The following APC variants were observed in gnomAD, a reference collection of about 807,000 sequenced individuals.
APC encodes the protein adenomatous polyposis coli protein.
In APC, 72 loss-of-function variants were observed where a neutral mutation model predicts 247.0. The observed-to-expected ratio is 0.29, with a 90% CI of 0.24 to 0.35. APC has a LOEUF of 0.35. Ranked by LOEUF, APC falls within the 10% of genes least tolerant of loss-of-function variation. The pLI, the probability that APC is intolerant of heterozygous loss-of-function variation, is 1.00. For synonymous variants in APC, 1,254 were observed against 1,162.5 expected, an observed-to-expected ratio of 1.08 and a Z score of -1.60; for missense variants, 3,400 against 3,360.7, an observed-to-expected ratio of 1.01 and a Z score of -0.29.
chr5:112,760,441 A>G (rs1328535910), intron 2 of APC, among the ~76,000 whole-genome samples: 1 of 152,202 alleles, frequency 6.6e-6, no homozygotes, highest in African/African-American at 2.4e-5. Flanking sequence ...CATTTGCCAG[A>G]TTTTAAATTT....
chr5:112,827,452 C>T (rs1580567087), intron 12 of APC, among the ~76,000 whole-genome samples: 1 of 152,088 alleles, frequency 6.6e-6, no homozygotes, highest in African/African-American at 2.4e-5. Context: ...ACAGATGGAA[C>T]ACAGTAGTGA....
At position 112,845,164 on chromosome 5, in the gene APC, C is replaced by T. The variant is rs930093241; in HGVS notation, c.*1038C>T. The T allele has an allele frequency of 1.7e-5, 4 of 232,260 alleles. No homozygotes were observed. The highest frequency in any genetic ancestry group is 5.6e-5 in the Admixed American group (1 of 17,750). The allele number at this position is 232,260 out of a possible 1,614,324, so 14.4% of individuals were successfully genotyped here. A position where few individuals can be genotyped will look rare whatever the true frequency, so the allele number is the denominator to read the frequency against. ...ACTGTTGCCACTTAACCATTCCATG[C>T]GTTGGCACTTATCTATTCCTGAAAT... On this transcript the variant is annotated 3_prime_UTR_variant, in exon 16 of 16. Transcript: ENST00000257430.
At chr5:112,723,005 T>C (rs534890677) in intron 1 of APC, among the ~76,000 whole-genome samples, 1 of 152,140 alleles carries the variant, frequency 6.6e-6, no homozygotes, top group Non-Finnish European at 1.5e-5. Flanking sequence ...TTCTTTGATA[T>C]GGGGACAGGA....
At chr5:112,753,320 C>G (rs1285140247) in intron 1 of APC, among the ~76,000 whole-genome samples, 1 of 152,046 alleles carries the variant, frequency 6.6e-6, no homozygotes, top group Non-Finnish European at 1.5e-5. Context: ...GAGGAGGGGT[C>G]TTAACTATGG....
chr5:112,764,345 T>A (rs1756030805), intron 2 of APC, among the ~76,000 whole-genome samples: 1 of 151,822 alleles, frequency 6.6e-6, no homozygotes, highest in African/African-American at 2.4e-5. Flanking sequence ...ATTATTTTCA[T>A]AGTTTAGGTA....
At chr5:112,775,201 A>C (rs778971005) in intron 4 of APC, among the ~76,000 whole-genome samples, 5 of 152,328 alleles carry the variant, frequency 3.3e-5, no homozygotes, top group Admixed American at 6.5e-5. Flanking sequence ...AAGCCACATC[A>C]GTGTCCAAAG....
At chr5:112,762,812 TG>T (rs1458872064) in intron 2 of APC, among the ~76,000 whole-genome samples, 1 of 152,236 alleles carries the variant, frequency 6.6e-6, no homozygotes, top group South Asian at 2.1e-4. Flanking sequence ...TTTACATATG[TG>T]TGTTGTGCCT....
chr5:112,840,136 A>G lies in APC; in HGVS notation c.4542A>G (p.Pro1514=), dbSNP rs1459239401. 1.9e-6 allele frequency: 3 copies of G among 1,614,030 alleles called. No individual in the cohort carries two copies. In the African/African-American group the frequency reaches 4.0e-5, roughly 22 times the overall value. ...SSLSALSLDE[P]FIQKDVELRI... ...TGAGTGCTCTGAGCCTCGATGAGCC[A>G]TTTATACAGAAAGATGTGGAATTAA... The change falls in exon 16 of 16, where the codon CCA becomes CCG. Residue 1514 remains proline (P), a synonymous_variant. Transcript: ENST00000257430. This position sits in a 1 kb window ranked among gnomAD's most constrained non-coding sequence, Gnocchi z 4.1.
chr5:112,824,797 T>C (rs1322776980), intron 11 of APC, among the ~76,000 whole-genome samples: 1 of 152,114 alleles, frequency 6.6e-6, no homozygotes, highest in Non-Finnish European at 1.5e-5. Flanking sequence ...ATTTCATGGG[T>C]CAAAATTCTC....
rs1350313665 is a variant in APC, at chr5:112,766,420, A to T, written c.220+10A>T. On this transcript the variant is annotated intron_variant, in intron 3 of 15. Coordinates refer to ENST00000257430, the MANE Select transcript of APC (RefSeq NM_000038.6). Reference sequence around the variant, plus strand: ...TTAGAGCGTCTTAAAGGTAGATTTTAAAAAGGTGTTTTAAAATAATTTTTT... The same window carrying T: ...TTAGAGCGTCTTAAAGGTAGATTTTTAAAAGGTGTTTTAAAATAATTTTTT... 3.1e-6 allele frequency: 5 copies of T among 1,590,948 alleles called. No individual in the cohort carries two copies. Among genetic ancestry groups the T allele is most frequent in the Non-Finnish European group, 4.3e-6 (5 of 1,159,282 alleles).
At chr5:112,717,259 G>C (rs1410174387) in intron 1 of APC, among the ~76,000 whole-genome samples, 1 of 152,088 alleles carries the variant, frequency 6.6e-6, no homozygotes, top group Admixed American at 6.5e-5. Flanking sequence ...AGAATGCTGG[G>C]ATTACAGGTA....
At chr5:112,796,180 T>G (rs535375500) in intron 7 of APC, among the ~76,000 whole-genome samples, 4 of 152,312 alleles carry the variant, frequency 2.6e-5, no homozygotes, top group African/African-American at 9.6e-5. Flanking sequence ...CCAGCTATGA[T>G]TAGAATTTCA....
rs587778028 is a variant in APC, at chr5:112,707,836, G to C, written c.119G>C (p.Ser40Thr). Residue 40 changes from serine (S) to threonine (T), a missense_variant, in exon 1 of 14, where the codon AGC (serine) becomes ACC (threonine). Physicochemically the swap from Ser to Thr is moderately conservative, Grantham distance 58. Transcript: ENST00000507379. ...AGCTGCGTCCGGCAGGAGACGAAGA[G>C]CCCGGGCGGCGCTCGTACTTCTGGC... 1.5e-4 allele frequency: 205 copies of C among 1,370,422 alleles called. No individual in the cohort carries two copies. Among genetic ancestry groups the C allele is most frequent in the Non-Finnish European group, 1.9e-4 (197 of 1,038,746 alleles). 84.9% of individuals were successfully genotyped at this position (1,370,422 alleles called of 1,614,324 possible). A position where few individuals can be genotyped will look rare whatever the true frequency, so the allele number is the denominator to read the frequency against.
chr5:112,792,612 C>T (rs1759755664), intron 7 of APC, 83 bp downstream of exon 7: 3 of 986,528 alleles, frequency 3.0e-6, no homozygotes, highest in Non-Finnish European at 4.8e-6. Context: ...TTTAATGTGA[C>T]ACCATTGAAA....
At chr5:112,811,798 T>G (rs989072764) in intron 8 of APC, among the ~76,000 whole-genome samples, 3 of 152,242 alleles carry the variant, frequency 2.0e-5, no homozygotes, top group African/African-American at 7.2e-5. Flanking sequence ...TTAACAGCAT[T>G]AGTAGACATT....
rs1357561329 is a variant in APC, at chr5:112,707,700, C to G, written c.-18C>G. The G allele has an allele frequency of 7.3e-7, 1 of 1,370,588 alleles. No homozygotes were observed. The highest frequency in any genetic ancestry group is 2.2e-5 in the Admixed American group (1 of 46,066). The allele number at this position is 1,370,588 out of a possible 1,614,324, so 84.9% of individuals were successfully genotyped here. A position where few individuals can be genotyped will look rare whatever the true frequency, so the allele number is the denominator to read the frequency against. ...AAGGTGAAGCACTCAGTTGCCTTCT[C>G]GGGCCTCGGCGCCCCCTATGTACGC... On this transcript the variant is annotated 5_prime_UTR_variant, in exon 1 of 14. Coordinates refer to the APC transcript ENST00000507379.
Position 112,827,299 on chromosome 5 carries a change from T to C in APC, c.1548+52T>C, listed in dbSNP as rs575891805. On this transcript the variant is annotated intron_variant, in intron 12 of 15. Coordinates refer to ENST00000257430, the MANE Select transcript of APC (RefSeq NM_000038.6). ...AAGATAGCTCAGGTATGAGTTAATTTACTTTCATACAAATACATTTTACTG... is the reference window on the plus strand; with the variant it reads ...AAGATAGCTCAGGTATGAGTTAATTCACTTTCATACAAATACATTTTACTG... 4.8e-5 allele frequency: 76 copies of C among 1,589,196 alleles called. 1 individual carries two copies. The South Asian group carries it at 8.3e-4, about 17-fold the overall frequency.
At chr5:112,774,532 C>G (rs1003462001) in intron 4 of APC, among the ~76,000 whole-genome samples, 1 of 143,188 alleles carries the variant, frequency 7.0e-6, no homozygotes, top group African/African-American at 2.6e-5. Flanking sequence ...ATGATCTCAG[C>G]TCACTGCAGC....
intron 6 of APC, among the ~76,000 whole-genome samples, chr5:112,786,621 A>G (rs936264833): frequency 1.3e-5 from 2 of 152,290 alleles, no homozygotes; most frequent in African/African-American, 4.8e-5. Flanking sequence ...TGTTTAATGT[A>G]GTTTATCTCC....
Sources: gnomAD v4.1 joint callset for allele counts (sites outside exome capture counted in the v4.1 genomes callset) on GRCh38, gnomAD v4.1.1 for gene constraint, Gnocchi (gnomAD v3.1) non-coding constraint, MANE v1.5 for transcripts, NCBI Gene and HGNC (gene_info 2026-07-23, HGNC 2026-07-21) for gene names.